SPIRE1: variants seen among roughly 807,000 people sequenced by gnomAD.
SPIRE1 encodes the protein spire type actin nucleation factor 1.
Under a neutral mutation model 94.1 loss-of-function variants are expected in SPIRE1, and 40 were observed. The observed-to-expected ratio is 0.43, with a 90% CI of 0.33 to 0.55. The LOEUF (loss-of-function observed/expected upper bound fraction) is 0.55, where lower values mean the gene tolerates loss of function less well. SPIRE1 is among the 20% of genes least tolerant of loss of function. The pLI is 0.06. For missense variants in SPIRE1, 838 were observed against 975.2 expected, an observed-to-expected ratio of 0.86 and a Z score of 1.87; for synonymous variants, 376 against 371.7, an observed-to-expected ratio of 1.01 and a Z score of -0.13.
chr18:12,464,827 T>C (rs375709280), intron 11 of SPIRE1, 41 bp downstream of exon 11: 15 of 1,547,752 alleles, frequency 9.7e-6, no homozygotes, highest in Admixed American at 1.7e-5. Context: ...TGTTTTGTAG[T>C]AAGACATCCG....
At chr18:12,456,828 T>C (rs937648385) in intron 12 of SPIRE1, among the ~76,000 whole-genome samples, 3 of 152,208 alleles carry the variant, frequency 2.0e-5, no homozygotes, top group African/African-American at 7.2e-5. Flanking sequence ...CAGTACTTCA[T>C]GGGATATAAT....
chr18:12,588,477 T>A (rs2036445324), intron 2 of SPIRE1: 1 of 152,310 alleles, frequency 6.6e-6, no homozygotes, highest in Non-Finnish European at 1.5e-5. Context: ...TTATATTTTT[T>A]AAACCAAATA....
chr18:12,539,025 A>G (rs560165696), intron 3 of SPIRE1, among the ~76,000 whole-genome samples: 2 of 152,358 alleles, frequency 1.3e-5, no homozygotes, highest in Non-Finnish European at 1.5e-5. Flanking sequence ...TTCACCTGAC[A>G]GGCAAAATCT....
At chr18:12,452,778 C>T (rs2031310111) in intron 14 of SPIRE1, among the ~76,000 whole-genome samples, 1 of 152,208 alleles carries the variant, frequency 6.6e-6, no homozygotes, top group African/African-American at 2.4e-5. Flanking sequence ...ATGATAATCA[C>T]ATCTTATTTT....
At chr18:12,581,523 A>G (rs1598493508) in intron 2 of SPIRE1, among the ~76,000 whole-genome samples, 2 of 152,316 alleles carry the variant, frequency 1.3e-5, no homozygotes, top group East Asian at 1.9e-4. Flanking sequence ...TCTGAAAAAT[A>G]CCATTCCTGC....
intron 8 of SPIRE1, among the ~76,000 whole-genome samples, chr18:12,488,263 C>G (rs540485064): frequency 2.6e-5 from 4 of 152,238 alleles, no homozygotes; most frequent in Admixed American, 2.0e-4. Context: ...TTTTTTGTCA[C>G]CCCATTTCAC....
At chr18:12,459,231 C>T (rs1023347318) in intron 12 of SPIRE1, among the ~76,000 whole-genome samples, 20 of 152,248 alleles carry the variant, frequency 1.3e-4, no homozygotes, top group African/African-American at 3.9e-4. Flanking sequence ...AGAGAAGTGA[C>T]GTACACACCC....
intron 2 of SPIRE1, among the ~76,000 whole-genome samples, chr18:12,560,013 T>C (rs55634668): frequency 0.23 from 34,453 of 152,196 alleles, 4,739 homozygotes; most frequent in Non-Finnish European, 0.31. Context: ...TCATTGATTG[T>C]CAGAGTAATA....
intron 2 of SPIRE1, among the ~76,000 whole-genome samples, chr18:12,556,763 AC>A (rs1304069702): frequency 2.0e-5 from 3 of 152,158 alleles, no homozygotes. Flanking sequence ...GGTGAGTGTT[AC>A]AGCTCATAAA....
chr18:12,456,869 G>C (rs923720782), intron 12 of SPIRE1, among the ~76,000 whole-genome samples: 4 of 152,142 alleles, frequency 2.6e-5, no homozygotes, highest in South Asian at 2.1e-4. Context: ...ACAAGGTCTC[G>C]CTCTGTCACC....
chr18:12,489,143 G>T (rs1053394333), intron 8 of SPIRE1, among the ~76,000 whole-genome samples: 2 of 152,078 alleles, frequency 1.3e-5, no homozygotes, highest in Non-Finnish European at 2.9e-5. Flanking sequence ...AGCCAAGATC[G>T]CACCACTGCA....
intron 4 of SPIRE1, among the ~76,000 whole-genome samples, chr18:12,518,728 CAAAG>C (rs1321839491): frequency 6.6e-6 from 1 of 151,392 alleles, no homozygotes; most frequent in Non-Finnish European, 1.5e-5. Context: ...CAAAAAAAAA[CAAAG>C]AAATTACTTA....
chr18:12,506,391 T>C, intron 6 of SPIRE1, 86 bp downstream of exon 6: 3 of 1,184,542 alleles, frequency 2.5e-6, no homozygotes, highest in Non-Finnish European at 3.7e-6. Flanking sequence ...ACTCCTGACC[T>C]CAGATGATCC....
At chr18:12,478,776 T>C (rs2032721348) in intron 10 of SPIRE1, among the ~76,000 whole-genome samples, 1 of 152,092 alleles carries the variant, frequency 6.6e-6, no homozygotes, top group African/African-American at 2.4e-5. Flanking sequence ...AATACTGACA[T>C]CGCAGATGGG....
rs767883127 is a variant in SPIRE1, at chr18:12,449,679, A to AG, written c.2229dup (p.Ser744LeufsTer12). 3 of 1,614,160 alleles carry AG rather than the reference A, an allele frequency of 1.9e-6. No individual in the cohort carries two copies. Among genetic ancestry groups the AG allele is most frequent in the Non-Finnish European group, 2.5e-6 (3 of 1,180,026 alleles). On this transcript the variant is annotated frameshift_variant, in exon 17 of 17. Transcript: ENST00000409402. LOFTEE classifies it high-confidence loss of function. ...GTCCTCTCTGAAGGGCAGTACTCCG[A>AG]GGGGCCTGGCGAGGACATGTAGAAA... is the stretch of plus-strand genomic sequence containing the variant.
chr18:12,615,335 A>AT (rs2037258109), intron 2 of SPIRE1, among the ~76,000 whole-genome samples: 1 of 39,900 alleles, frequency 2.5e-5, no homozygotes, highest in Non-Finnish European at 8.0e-5. Flanking sequence ...CTCAAAAAAA[A>AT]AAAAAAAAAA....
intron 2 of SPIRE1, among the ~76,000 whole-genome samples, chr18:12,633,344 G>A (rs919405974): frequency 2.0e-5 from 3 of 152,134 alleles, no homozygotes; most frequent in African/African-American, 4.8e-5. Flanking sequence ...GCTCACGCCT[G>A]TAATGGTGGA....
intron 1 of SPIRE1, among the ~76,000 whole-genome samples, chr18:12,651,404 C>A (rs749975784): frequency 1.3e-5 from 2 of 152,036 alleles, no homozygotes; most frequent in Middle Eastern, 6.8e-3. Flanking sequence ...TTGCTGGGTG[C>A]GGTGGCTCAC....
At chr18:12,504,881 G>C (rs1342160166) in intron 6 of SPIRE1, among the ~76,000 whole-genome samples, 8 of 152,198 alleles carry the variant, frequency 5.3e-5, no homozygotes, top group Non-Finnish European at 1.2e-4. Flanking sequence ...GAGCTCCTGA[G>C]AGAAGGAATA....
Sources: allele counts gnomAD v4.1 joint callset (sites outside exome capture counted in the v4.1 genomes callset), GRCh38; gene constraint gnomAD v4.1.1; transcripts MANE v1.5; gene names NCBI Gene and HGNC (gene_info 2026-07-23, HGNC 2026-07-21).